Variants in MAGI2 observed in about 807,000 individuals in gnomAD.
The protein encoded by MAGI2 is membrane-associated guanylate kinase, WW and PDZ domain-containing protein 2.
Under a neutral mutation model 133.3 loss-of-function variants are expected in MAGI2, and 35 were observed. That is an observed-to-expected ratio of 0.26 (90% CI 0.20 to 0.35). MAGI2 has a LOEUF of 0.35. MAGI2 is among the 10% of genes least tolerant of loss of function. The pLI is 1.00. For missense variants in MAGI2, 1,636 were observed against 1,863.4 expected, an observed-to-expected ratio of 0.88 and a Z score of 2.25; for synonymous variants, 729 against 710.6, an observed-to-expected ratio of 1.03 and a Z score of -0.41.
intron 9 of MAGI2, among the ~76,000 whole-genome samples, chr7:78,321,071 A>G (rs1787951635): frequency 6.6e-6 from 1 of 152,218 alleles, no homozygotes; most frequent in South Asian, 2.1e-4. Flanking sequence ...AGGGATGTGA[A>G]GGACCTCTTC....
At chr7:79,301,040 T>C (rs1837358717) in intron 1 of MAGI2, among the ~76,000 whole-genome samples, 1 of 152,184 alleles carries the variant, frequency 6.6e-6, no homozygotes, top group African/African-American at 2.4e-5. Flanking sequence ...CATCTAGAAT[T>C]CAGAGGATGT....
chr7:78,649,227 A>AAAAAAAAAAAAAAAAAAAAAAAAG (rs1811246780), intron 2 of MAGI2, among the ~76,000 whole-genome samples: 3 of 77,586 alleles, frequency 3.9e-5, no homozygotes, highest in African/African-American at 1.4e-4. Flanking sequence ...TGTGGTAAAA[A>AAAAAAAAAAAAAAAAAAAAAAAAG]AAAAAAAAGA....
intron 1 of MAGI2, among the ~76,000 whole-genome samples, chr7:79,115,062 C>A (rs1819272778): frequency 6.6e-6 from 1 of 152,192 alleles, no homozygotes; most frequent in Non-Finnish European, 1.5e-5. Flanking sequence ...AGGAGGGCAG[C>A]TCTACTTTGA....
chr7:78,221,049 T>C (rs894465212), intron 10 of MAGI2, among the ~76,000 whole-genome samples: 4 of 152,228 alleles, frequency 2.6e-5, no homozygotes, highest in African/African-American at 9.6e-5. Flanking sequence ...CACTATGCCA[T>C]GTTGCCAGGT....
At chr7:79,141,562 TG>T in intron 1 of MAGI2, among the ~76,000 whole-genome samples, 1 of 152,318 alleles carries the variant, frequency 6.6e-6, no homozygotes, top group African/African-American at 2.4e-5. Flanking sequence ...TTTGGGCCTT[TG>T]TTTTTTTATT....
chr7:78,453,174 T>C (rs545190781), intron 6 of MAGI2, among the ~76,000 whole-genome samples: 1 of 152,284 alleles, frequency 6.6e-6, no homozygotes, highest in Non-Finnish European at 1.5e-5. Flanking sequence ...AGATCTCCTT[T>C]GCATAATGAA....
chr7:78,847,781 T>G (rs1293327297), intron 2 of MAGI2, among the ~76,000 whole-genome samples: 4 of 151,962 alleles, frequency 2.6e-5, no homozygotes, highest in Non-Finnish European at 5.9e-5. Context: ...TTTTCTTCAG[T>G]GCATACAGGT....
At chr7:79,227,173 A>G (rs1830931855) in intron 1 of MAGI2, among the ~76,000 whole-genome samples, 1 of 152,200 alleles carries the variant, frequency 6.6e-6, no homozygotes, top group South Asian at 2.1e-4. Context: ...GCCATAAATT[A>G]CTGTCTATTA....
chr7:78,682,325 C>T (rs893142529), intron 2 of MAGI2, among the ~76,000 whole-genome samples: 4 of 151,992 alleles, frequency 2.6e-5, no homozygotes, highest in African/African-American at 7.2e-5. Flanking sequence ...CTGCACCAAT[C>T]GACCCGTCAT....
intron 1 of MAGI2, among the ~76,000 whole-genome samples, chr7:79,049,070 T>C (rs1329689147): frequency 1.3e-5 from 2 of 152,210 alleles, no homozygotes; most frequent in Non-Finnish European, 2.9e-5. Context: ...TTAAGGTCCA[T>C]AGGAGTGACA....
At chr7:78,972,338 G>C (rs1415285329) in intron 2 of MAGI2, among the ~76,000 whole-genome samples, 1 of 151,658 alleles carries the variant, frequency 6.6e-6, no homozygotes, top group African/African-American at 2.4e-5. Flanking sequence ...ATTAATTCTT[G>C]TTCAATATTC....
chr7:78,139,247 A>G (rs1315265906), intron 16 of MAGI2, among the ~76,000 whole-genome samples: 1 of 152,214 alleles, frequency 6.6e-6, no homozygotes, highest in Non-Finnish European at 1.5e-5. Flanking sequence ...AATGTTTTCT[A>G]TTGGCATTTA....
At chr7:79,269,816 AT>A (rs938027505) in intron 1 of MAGI2, among the ~76,000 whole-genome samples, 1 of 152,170 alleles carries the variant, frequency 6.6e-6, no homozygotes, top group Admixed American at 6.5e-5. Context: ...TCTTTAAAAA[AT>A]AACCCCCTCC....
At chr7:79,336,602 T>C (rs895170921) in intron 1 of MAGI2, among the ~76,000 whole-genome samples, 3 of 152,152 alleles carry the variant, frequency 2.0e-5, no homozygotes, top group Non-Finnish European at 2.9e-5. Context: ...GATGACTGAG[T>C]AAATGATATA....
intron 2 of MAGI2, among the ~76,000 whole-genome samples, chr7:78,957,877 T>C (rs1256438170): frequency 6.6e-6 from 1 of 152,140 alleles, no homozygotes; most frequent in Non-Finnish European, 1.5e-5. Flanking sequence ...CCTCTTCATT[T>C]CTCTGTGTGA....
At chr7:78,617,491 A>G (rs1460901802) in intron 3 of MAGI2, 1 of 152,112 alleles carries the variant, frequency 6.6e-6, no homozygotes, top group Non-Finnish European at 1.5e-5. Context: ...TTAGTCAAGG[A>G]AGTACTGATA....
intron 2 of MAGI2, among the ~76,000 whole-genome samples, chr7:78,725,264 A>ATTCTTC (rs1318211597): frequency 3.9e-5 from 6 of 152,236 alleles, no homozygotes; most frequent in African/African-American, 1.4e-4. Flanking sequence ...GAACTAATAG[A>ATTCTTC]TCGAAAAATG....
chr7:79,160,979 G>A (rs1194429236), intron 1 of MAGI2, among the ~76,000 whole-genome samples: 2 of 151,816 alleles, frequency 1.3e-5, no homozygotes, highest in African/African-American at 4.8e-5. Flanking sequence ...CTCCCTACTG[G>A]GAATCCCAAA....
chr7:78,259,252 A>T (rs1793291661), intron 9 of MAGI2, among the ~76,000 whole-genome samples: 1 of 151,934 alleles, frequency 6.6e-6, no homozygotes, highest in Non-Finnish European at 1.5e-5. Context: ...TTGCTCCAAC[A>T]TTCTTCTTAG....
Sources: gnomAD v4.1 joint callset for allele counts (sites outside exome capture counted in the v4.1 genomes callset) on GRCh38, gnomAD v4.1.1 for gene constraint, MANE v1.5 for transcripts, NCBI Gene and HGNC (gene_info 2026-07-23, HGNC 2026-07-21) for gene names.